Variants in H2BC18 observed in about 807,000 individuals in gnomAD.
H2BC18 encodes H2B clustered histone 18.
Under a neutral mutation model 6.3 loss-of-function variants are expected in H2BC18, and 8 were observed. The ratio of observed to expected loss-of-function variants is 1.28; its 90% CI spans 0.75 to 2.31. The LOEUF (loss-of-function observed/expected upper bound fraction) is 2.31. Ranked by LOEUF, H2BC18 falls within the 30% of genes most tolerant of loss-of-function variation. H2BC18 has a pLI of 0.00. For missense variants in H2BC18, 106 were observed against 174.5 expected (o/e 0.61, Z 2.21); for synonymous variants, 104 against 78.1 (o/e 1.33, Z -1.75).
At chr1:149,788,403 G>A (rs150243223) in intron 1 of H2BC18, 73 of 1,613,402 alleles carry the variant, frequency 4.5e-5, no homozygotes, top group Middle Eastern at 1.7e-4. Flanking sequence ...GAGTCTTCAC[G>A]GAAGGAGAAC....
intron 1 of H2BC18, among the ~76,000 whole-genome samples, chr1:149,788,866 G>T (rs1389607222): frequency 6.6e-6 from 1 of 152,018 alleles, no homozygotes; most frequent in Non-Finnish European, 1.5e-5. Flanking sequence ...CAATGTCAGG[G>T]CATAATGGTG....
rs1221258143 is a variant in H2BC18, at chr1:149,800,644, TTATC to T, written c.377+11299_377+11302del. ...TCAGCTTATTTATTTTCTCTTGGCT[TTATC>T]TATCCTGTTCTGGATTTATCCCTTG... On this transcript the variant is annotated intron_variant, in intron 1 of 1. Coordinates refer to the H2BC18 transcript ENST00000545683. Among the ~76,000 whole-genome samples the T allele has an allele frequency of 4.9e-5, 7 of 143,620 alleles. No homozygotes were observed. In the East Asian group the frequency reaches 1.2e-3, roughly 24 times the overall value. The allele number at this position is 143,620 out of a possible 152,430, so 94.2% of individuals were successfully genotyped here.
chr1:149,805,485 G>A (rs1347188456), intron 1 of H2BC18: 1 of 152,028 alleles, frequency 6.6e-6, no homozygotes, highest in Non-Finnish European at 1.5e-5. Context: ...ATACTCTGAG[G>A]CTTCTAAACT....
intron 1 of H2BC18, among the ~76,000 whole-genome samples, chr1:149,789,621 T>A (rs1481822838): frequency 6.6e-6 from 1 of 152,150 alleles, no homozygotes; most frequent in Non-Finnish European, 1.5e-5. Flanking sequence ...AGCTTCTTCA[T>A]GAGCCAGCAT....
chr1:149,793,047 G>A lies in H2BC18; in HGVS notation c.378-9787C>T. 4 of 1,261,324 alleles carry A rather than the reference G, an allele frequency of 3.2e-6. No homozygotes were observed. In the South Asian group the frequency reaches 5.1e-5, roughly 16 times the overall value. 78.1% of individuals were successfully genotyped at this position (1,261,324 alleles called of 1,614,324 possible). A position where few individuals can be genotyped will look rare whatever the true frequency, so the allele number is the denominator to read the frequency against. On this transcript the variant is annotated intron_variant, in intron 1 of 1. Coordinates refer to the H2BC18 transcript ENST00000545683. ...CCGGGCCCGCCAGCTCCCGGGCCCCGGCGCGGCGCCACCTGGCGGCCGTCT... is the reference window on the plus strand; with the variant it reads ...CCGGGCCCGCCAGCTCCCGGGCCCCAGCGCGGCGCCACCTGGCGGCCGTCT...
intron 1 of H2BC18, chr1:149,803,918 G>C (rs782677647): frequency 2.0e-5 from 3 of 152,218 alleles, no homozygotes; most frequent in Non-Finnish European, 4.4e-5. Context: ...GAAAATTTTG[G>C]ATGCTGAGTA....
chr1:149,802,754 C>A (rs1309351435), intron 1 of H2BC18, among the ~76,000 whole-genome samples: 1 of 152,132 alleles, frequency 6.6e-6, no homozygotes, highest in African/African-American at 2.4e-5. Flanking sequence ...AAGCCCCAGG[C>A]AAGCCACTGG....
downstream of H2BC18, chr1:149,811,743 G>C: frequency 2.9e-6 from 2 of 677,986 alleles, no homozygotes; most frequent in South Asian, 3.9e-5. Flanking sequence ...GGATGACTGA[G>C]GGCCAACTCA....
chr1:149,811,028 T>C (rs1330719929), downstream of H2BC18: 1 of 152,172 alleles, frequency 6.6e-6, no homozygotes, highest in African/African-American at 2.4e-5. Flanking sequence ...AAACAGCCTA[T>C]GAAGTGCTCA....
At chr1:149,787,228 G>C (rs1173725503) in intron 1 of H2BC18, 3 of 152,210 alleles carry the variant, frequency 2.0e-5, no homozygotes, top group Admixed American at 6.5e-5. Context: ...TTCATGCTAT[G>C]TATAGCATAG....
At chr1:149,808,939 T>C (rs1258405493), downstream of H2BC18, among the ~76,000 whole-genome samples, 5 of 151,174 alleles carry the variant, frequency 3.3e-5, no homozygotes, top group East Asian at 1.9e-4. Context: ...TTCAGTTGCA[T>C]TGACTTTTAG....
chr1:149,793,236 G>C (rs1332782697), intron 1 of H2BC18: 138 of 1,260,312 alleles, frequency 1.1e-4, no homozygotes, highest in Non-Finnish European at 1.3e-4. Flanking sequence ...AGAGCAGCCG[G>C]AGGCGGCGGC....
chr1:149,787,436 G>T (rs2091582557), intron 1 of H2BC18: 1 of 152,226 alleles, frequency 6.6e-6, no homozygotes, highest in Non-Finnish European at 1.5e-5. Flanking sequence ...CTTGGAGCTT[G>T]TTTTGCTAGT....
At chr1:149,784,643 AAT>A (rs1338265517) in intron 1 of H2BC18, among the ~76,000 whole-genome samples, 1 of 149,876 alleles carries the variant, frequency 6.7e-6, no homozygotes, top group African/African-American at 2.4e-5. Flanking sequence ...CAAAACTGCT[AAT>A]ATATATATAC....
At chr1:149,799,611 A>T (rs2101465773) in intron 1 of H2BC18, among the ~76,000 whole-genome samples, 1 of 152,298 alleles carries the variant, frequency 6.6e-6, no homozygotes, top group Non-Finnish European at 1.5e-5. Flanking sequence ...ACAATCAGCA[A>T]ATCTTATTTG....
chr1:149,807,926 A>T (rs1471453765), downstream of H2BC18, among the ~76,000 whole-genome samples: 3 of 152,218 alleles, frequency 2.0e-5, no homozygotes, highest in Non-Finnish European at 4.4e-5. Context: ...TGATGCTGTA[A>T]ACTGAGTATG....
intron 1 of H2BC18, chr1:149,786,351 T>A (rs1358740887): frequency 6.6e-6 from 1 of 152,202 alleles, no homozygotes; most frequent in Non-Finnish European, 1.5e-5. Context: ...TTCAAGTGTC[T>A]TAAATATCTT....
intron 1 of H2BC18, among the ~76,000 whole-genome samples, chr1:149,802,921 C>T (rs587693812): frequency 0.01 from 1,580 of 152,288 alleles, 36 homozygotes; most frequent in African/African-American, 0.037. Context: ...TGTAGCTACC[C>T]TGGCAGCCGA....
At chr1:149,799,604 A>G (rs1316648846) in intron 1 of H2BC18, among the ~76,000 whole-genome samples, 7 of 152,224 alleles carry the variant, frequency 4.6e-5, no homozygotes, top group African/African-American at 1.7e-4. Flanking sequence ...GCAGTGCACA[A>G]TCAGCAAATC....
Sources: gnomAD v4.1 joint callset for allele counts (sites outside exome capture counted in the v4.1 genomes callset) on GRCh38, gnomAD v4.1.1 for gene constraint, MANE v1.5 for transcripts, NCBI Gene and HGNC (gene_info 2026-07-23, HGNC 2026-07-21) for gene names.